The following SLC35D4 variants were observed in gnomAD, a reference collection of about 807,000 sequenced individuals.
The protein encoded by SLC35D4 is solute carrier family 35 member D4.
chr18:23,422,592 C>T, the SLC35D4 span, among the ~76,000 whole-genome samples: 1 of 152,126 alleles, frequency 6.6e-6, no homozygotes, highest in Non-Finnish European at 1.5e-5. Context: ...TCCAAGGTTG[C>T]CCCCCATCCA....
At chr18:23,295,722 G>A in the SLC35D4 span, among the ~76,000 whole-genome samples, 8,508 of 152,202 alleles carry the variant, frequency 0.056, 796 homozygotes, top group African/African-American at 0.19. Context: ...CACATGCAGA[G>A]GCAACAACAG....
At chr18:23,307,749 G>C in the SLC35D4 span, among the ~76,000 whole-genome samples, 6 of 152,178 alleles carry the variant, frequency 3.9e-5, no homozygotes, top group African/African-American at 1.4e-4. Context: ...GAGGGCTATG[G>C]GGCAGGGCAG....
chr18:23,312,379 T>TAGC, the SLC35D4 span, among the ~76,000 whole-genome samples: 1 of 152,234 alleles, frequency 6.6e-6, no homozygotes, highest in African/African-American at 2.4e-5. Flanking sequence ...AAGGTTGGTT[T>TAGC]AGCAGCCACT....
the SLC35D4 span, among the ~76,000 whole-genome samples, chr18:23,424,719 C>T: frequency 6.6e-6 from 1 of 152,268 alleles, no homozygotes; most frequent in Middle Eastern, 3.4e-3. Context: ...AAAACTTTTG[C>T]TATGAGGCTG....
the SLC35D4 span, chr18:23,371,298 T>C: frequency 1.4e-6 from 1 of 695,498 alleles, no homozygotes; most frequent in Non-Finnish European, 2.3e-6. Context: ...TTTCTCAAGG[T>C]TGCCCAGGCT....
the SLC35D4 span, among the ~76,000 whole-genome samples, chr18:23,426,896 T>C: frequency 6.6e-6 from 1 of 152,030 alleles, no homozygotes; most frequent in South Asian, 2.1e-4. Context: ...TTGACAAACC[T>C]GACAAAAACA....
chr18:23,376,640 A>G, the SLC35D4 span, among the ~76,000 whole-genome samples: 1 of 152,192 alleles, frequency 6.6e-6, no homozygotes, highest in African/African-American at 2.4e-5. Context: ...GAATCCTGAT[A>G]TCCTGATGGG....
At chr18:23,245,503 CAAAAA>C in the SLC35D4 span, among the ~76,000 whole-genome samples, 1 of 94,562 alleles carries the variant, frequency 1.1e-5, no homozygotes, top group African/African-American at 3.8e-5. Context: ...CATCCTGTCT[CAAAAA>C]AAAAAAAAAA....
At chr18:23,377,769 T>A in the SLC35D4 span, 1 of 1,114,402 alleles carries the variant, frequency 9.0e-7, no homozygotes, top group Non-Finnish European at 1.2e-6. Context: ...AAATTATGAG[T>A]AGATTTATCA....
chr18:23,346,098 T>C, the SLC35D4 span, among the ~76,000 whole-genome samples: 1 of 151,482 alleles, frequency 6.6e-6, no homozygotes, highest in Non-Finnish European at 1.5e-5. Context: ...TAAGACCCCA[T>C]CTCTACAAAA....
the SLC35D4 span, among the ~76,000 whole-genome samples, chr18:23,283,775 C>G: frequency 2.0e-5 from 3 of 150,100 alleles, no homozygotes; most frequent in Admixed American, 1.3e-4. Flanking sequence ...TGCCACTGCA[C>G]TCCAGCCTGG....
chr18:23,364,965 G>T, the SLC35D4 span, among the ~76,000 whole-genome samples: 1 of 139,432 alleles, frequency 7.2e-6, no homozygotes, highest in African/African-American at 2.7e-5. Context: ...ATGAGAATTG[G>T]ATGGTGACAT....
the SLC35D4 span, among the ~76,000 whole-genome samples, chr18:23,361,069 T>C: frequency 1.7e-5 from 2 of 117,384 alleles, no homozygotes; most frequent in Non-Finnish European, 1.6e-5. Flanking sequence ...GCCACTGTAC[T>C]ACAGCCTGGG....
the SLC35D4 span, chr18:23,365,735 C>G: frequency 6.3e-7 from 1 of 1,579,832 alleles, no homozygotes; most frequent in South Asian, 1.1e-5. Flanking sequence ...TGTTCCCACA[C>G]ATTTTACTTG....
At chr18:23,410,304 T>C in the SLC35D4 span, among the ~76,000 whole-genome samples, 60 of 151,116 alleles carry the variant, frequency 4.0e-4, no homozygotes, top group East Asian at 1.2e-3. Flanking sequence ...AGTGAAACCC[T>C]ATCTCTACTA....
At chr18:23,430,700 C>T in the SLC35D4 span, 1 of 1,602,068 alleles carries the variant, frequency 6.2e-7, no homozygotes, top group Non-Finnish European at 8.5e-7. Context: ...CACCAAATTA[C>T]TGGACATTTC....
chr18:23,333,552 G>A, the SLC35D4 span, among the ~76,000 whole-genome samples: 3 of 151,852 alleles, frequency 2.0e-5, no homozygotes, highest in Non-Finnish European at 4.4e-5. Context: ...CAGCCAAATG[G>A]CAGCAAATGT....
chr18:23,275,775 C>G, the SLC35D4 span, among the ~76,000 whole-genome samples: 3 of 151,906 alleles, frequency 2.0e-5, no homozygotes, highest in African/African-American at 7.3e-5. Context: ...TGTAGCTCTC[C>G]CATCCCTGGT....
the SLC35D4 span, among the ~76,000 whole-genome samples, chr18:23,430,018 C>T: frequency 6.6e-6 from 1 of 152,082 alleles, no homozygotes; most frequent in Non-Finnish European, 1.5e-5. Context: ...TTAATAAGGT[C>T]CCAATTGTCA....
Sources: gnomAD v4.1 joint callset for allele counts (sites outside exome capture counted in the v4.1 genomes callset) on GRCh38, gnomAD v4.1.1 for gene constraint, MANE v1.5 for transcripts, NCBI Gene and HGNC (gene_info 2026-07-23, HGNC 2026-07-21) for gene names.